Variants in DCAF10 observed in about 807,000 individuals in gnomAD.
DCAF10 encodes DDB1 and CUL4 associated factor 10, also known as DDB1- and CUL4-associated factor 10.
In DCAF10, 19 loss-of-function variants were observed where a neutral mutation model predicts 51.9. That is an observed-to-expected ratio of 0.37 (90% CI 0.26 to 0.54). DCAF10 has a LOEUF of 0.54. Among genes scored for constraint, DCAF10 ranks in the 20% least tolerant of loss-of-function variants. The probability of loss-of-function intolerance (pLI) is 0.87; values close to 1 mark genes in which losing one functional copy is unlikely to be tolerated. For missense variants in DCAF10, 510 were observed against 730.6 expected (o/e 0.70, Z 3.48); for synonymous variants, 291 against 297.1 (o/e 0.98, Z 0.21).
chr9:37,854,052 A>G (rs1004363027), intron 3 of DCAF10, among the ~76,000 whole-genome samples: 1 of 152,142 alleles, frequency 6.6e-6, no homozygotes, highest in African/African-American at 2.4e-5. Context: ...TTATTAACAT[A>G]AAAAGTAAAA....
chr9:37,835,831 G>A (rs1007164628), intron 2 of DCAF10, among the ~76,000 whole-genome samples: 1 of 152,228 alleles, frequency 6.6e-6, no homozygotes, highest in African/African-American at 2.4e-5. Context: ...TTTATATAAT[G>A]TGTCTGGTTC....
chr9:37,800,967 C>A lies in DCAF10; in HGVS notation c.101C>A (p.Pro34Gln). Residue 34 changes from proline (P) to glutamine (Q), a missense_variant, in exon 1 of 7, where the codon CCG becomes CAG. Physicochemically the swap from Pro to Gln is moderately conservative, Grantham distance 76. Around this residue, in one of 4 missense-constraint regions of DCAF10, gnomAD observed 251 missense variants for 227.9 expected, o/e 1.10. Transcript: ENST00000377724. ...PHEGQAAATG[P>Q]PSPLHPGADA... Reference sequence around the variant, plus strand: ...GAGGGGCAGGCAGCAGCCACCGGGCCGCCCTCGCCACTACATCCCGGGGCT... The same window carrying A: ...GAGGGGCAGGCAGCAGCCACCGGGCAGCCCTCGCCACTACATCCCGGGGCT... 1 of 1,510,706 alleles carries A rather than the reference C, an allele frequency of 6.6e-7. No individual in the cohort carries two copies. The highest frequency in any genetic ancestry group is 8.8e-7 in the Non-Finnish European group (1 of 1,137,988). 93.6% of individuals were successfully genotyped at this position (1,510,706 alleles called of 1,614,324 possible).
chr9:37,821,962 A>G (rs1829715925), intron 2 of DCAF10, among the ~76,000 whole-genome samples: 1 of 152,252 alleles, frequency 6.6e-6, no homozygotes, highest in African/African-American at 2.4e-5. Context: ...AAGGAAATGA[A>G]TAGATAATTC....
Position 37,814,232 on chromosome 9 carries a change from G to A in DCAF10, c.540-5056G>A, listed in dbSNP as rs534608367. On this transcript the variant is annotated intron_variant, in intron 1 of 6. Coordinates refer to ENST00000377724, the MANE Select transcript of DCAF10 (RefSeq NM_024345.5). The stretch of plus-strand genomic sequence containing the variant: ...CAGGTTACTGCAACCTCTGCCTCCC[G>A]GGTTCAAGCGATTCTCCTGCCTCAG... Among the ~76,000 whole-genome samples, 17 of 147,030 alleles carry A rather than the reference G, an allele frequency of 1.2e-4. No homozygotes were observed. In the South Asian group the frequency reaches 1.7e-3, roughly 15 times the overall value.
chr9:37,834,786 A>G (rs966942276), intron 2 of DCAF10, among the ~76,000 whole-genome samples: 3 of 141,206 alleles, frequency 2.1e-5, no homozygotes, highest in African/African-American at 2.8e-5. Flanking sequence ...ATTTTTCTCA[A>G]TCACGTACTT....
chr9:37,867,148 C>T lies in DCAF10; in HGVS notation c.*5640C>T, dbSNP rs890246269. On this transcript the variant is annotated 3_prime_UTR_variant, in exon 7 of 7. Transcript: ENST00000377724. ...CTCAAAGTTACCATTACGCTGCTCT[C>T]TTGTAAATGAACTAGGGATAAAGAT... is the stretch of plus-strand genomic sequence containing the variant. 1 of 152,216 alleles carries T rather than the reference C, an allele frequency of 6.6e-6. No individual in the cohort carries two copies. Among genetic ancestry groups the T allele is most frequent in the African/African-American group, 2.4e-5 (1 of 41,546 alleles). 9.4% of individuals were successfully genotyped at this position (152,216 alleles called of 1,614,324 possible).
chr9:37,800,821 CGGCCGGCGG>C lies in DCAF10; in HGVS notation c.-42_-34del. 1.3e-6 allele frequency: 2 copies of C among 1,491,464 alleles called. No individual in the cohort carries two copies. Among genetic ancestry groups the C allele is most frequent in the Non-Finnish European group, 1.8e-6 (2 of 1,126,430 alleles). The allele number at this position is 1,491,464 out of a possible 1,614,324, so 92.4% of individuals were successfully genotyped here. A position where few individuals can be genotyped will look rare whatever the true frequency, so the allele number is the denominator to read the frequency against. On this transcript the variant is annotated 5_prime_UTR_variant, in exon 1 of 7. Coordinates refer to ENST00000377724, the MANE Select transcript of DCAF10 (RefSeq NM_024345.5). ...CAGCTGAACAGGGGCACTGAGGTGT[CGGCCGGCGG>C]GGCAGTGGCCCGGAGCGGGGGGCGG... is the stretch of plus-strand genomic sequence containing the variant.
chr9:37,804,963 A>G (rs1829068950), intron 1 of DCAF10, among the ~76,000 whole-genome samples: 1 of 152,236 alleles, frequency 6.6e-6, no homozygotes, highest in Non-Finnish European at 1.5e-5. Context: ...CAAAGATGAA[A>G]TAAATACATA....
intron 2 of DCAF10, among the ~76,000 whole-genome samples, chr9:37,837,885 A>G (rs1347141005): frequency 6.6e-6 from 1 of 151,732 alleles, no homozygotes; most frequent in Non-Finnish European, 1.5e-5. Context: ...TTAGCTGGGC[A>G]TGGTGGCATG....
chr9:37,813,338 C>T (rs1292102114), intron 1 of DCAF10, among the ~76,000 whole-genome samples: 1 of 152,214 alleles, frequency 6.6e-6, no homozygotes, highest in African/African-American at 2.4e-5. Flanking sequence ...ACAAGCTATC[C>T]TCCTGCCTTG....
At chr9:37,803,492 T>C (rs1829019338) in intron 1 of DCAF10, among the ~76,000 whole-genome samples, 1 of 151,944 alleles carries the variant, frequency 6.6e-6, no homozygotes, top group Non-Finnish European at 1.5e-5. Context: ...TAAATTGCCC[T>C]CTGCAAAGAT....
chr9:37,837,188 C>T (rs980232348), intron 2 of DCAF10, among the ~76,000 whole-genome samples: 77 of 152,240 alleles, frequency 5.1e-4, no homozygotes, highest in African/African-American at 1.8e-3. Flanking sequence ...AGGCCGGGCA[C>T]GGTGGCTCAC....
chr9:37,836,716 T>A (rs540240984), intron 2 of DCAF10, among the ~76,000 whole-genome samples: 1 of 152,338 alleles, frequency 6.6e-6, no homozygotes, highest in African/African-American at 2.4e-5. Flanking sequence ...GTACCATTTT[T>A]AATTTATGTC....
Position 37,865,981 on chromosome 9 carries a change from G to T in DCAF10, c.*4473G>T, listed in dbSNP as rs1050661094. 1 of 152,596 alleles carries T rather than the reference G, an allele frequency of 6.6e-6. No homozygotes were observed. The highest frequency in any genetic ancestry group is 1.5e-5 in the Non-Finnish European group (1 of 68,014). 9.5% of individuals were successfully genotyped at this position (152,596 alleles called of 1,614,324 possible). On this transcript the variant is annotated 3_prime_UTR_variant, in exon 7 of 7. Coordinates refer to ENST00000377724, the MANE Select transcript of DCAF10 (RefSeq NM_024345.5). ...TAAAAGCCTAGTGTTTCCCTTATTT[G>T]TCAGAATATGTGGTAGTGGCATCCA...
rs143953286 is a variant in DCAF10 at position 37,834,446 on chromosome 9, A to C, written c.654-7643A>C. Among the ~76,000 whole-genome samples, 324 of 152,254 alleles carry C rather than the reference A, an allele frequency of 2.1e-3. 1 individual carries two copies. Among genetic ancestry groups the C allele is most frequent in the African/African-American group, 7.3e-3 (303 of 41,552 alleles). On this transcript the variant is annotated intron_variant, in intron 2 of 6. Transcript: ENST00000377724. ...AAATATCCTTTCATGCAACAATTATAGTTTTTTAAATGACCTTATTAAGAA... is the reference window on the plus strand; with the variant it reads ...AAATATCCTTTCATGCAACAATTATCGTTTTTTAAATGACCTTATTAAGAA...
rs1036599835 is a variant in DCAF10 at position 37,842,390 on chromosome 9, T to G, written c.851+104T>G. The G allele has an allele frequency of 2.7e-5, 32 of 1,180,194 alleles. No homozygotes were observed. The African/African-American group carries it at 4.8e-4, about 18-fold the overall frequency. The allele number at this position is 1,180,194 out of a possible 1,614,324, so 73.1% of individuals were successfully genotyped here. A position where few individuals can be genotyped will look rare whatever the true frequency, so the allele number is the denominator to read the frequency against. ...TCCTAGCCTCAAGAAGGAAACTGGC[T>G]TTAGGAAAAGCAACCAAAAAGTGAT... On this transcript the variant is annotated intron_variant, in intron 3 of 6. Transcript: ENST00000377724.
intron 2 of DCAF10, among the ~76,000 whole-genome samples, chr9:37,833,859 G>C (rs1830071598): frequency 6.6e-6 from 1 of 152,114 alleles, no homozygotes. Flanking sequence ...TGTTGATTTT[G>C]GGATAAAAAT....
intron 2 of DCAF10, among the ~76,000 whole-genome samples, chr9:37,836,759 G>A (rs1830177713): frequency 6.6e-6 from 1 of 151,782 alleles, no homozygotes; most frequent in Non-Finnish European, 1.5e-5. Context: ...TGCTTGAAGT[G>A]TTCACACCCT....
At chr9:37,857,744 T>C (rs1260736607) in intron 5 of DCAF10, among the ~76,000 whole-genome samples, 2 of 152,240 alleles carry the variant, frequency 1.3e-5, no homozygotes, top group Non-Finnish European at 2.9e-5. Flanking sequence ...CTCAGACTTT[T>C]TGCTCTGCCA....
Sources: allele counts gnomAD v4.1 joint callset (sites outside exome capture counted in the v4.1 genomes callset), GRCh38; gene constraint gnomAD v4.1.1; regional missense constraint gnomAD v4.1.1; transcripts MANE v1.5; gene names NCBI Gene and HGNC (gene_info 2026-07-23, HGNC 2026-07-21).